The following HOOK1 variants were observed in gnomAD, a reference collection of about 807,000 sequenced individuals.
The protein encoded by HOOK1 is protein Hook homolog 1.
In HOOK1, 60 loss-of-function variants were observed where a neutral mutation model predicts 112.8. The observed-to-expected ratio is 0.53, with a 90% CI of 0.43 to 0.66. The LOEUF is 0.66. HOOK1 is among the 30% of genes least tolerant of loss of function. The probability of loss-of-function intolerance (pLI) is 0.00; values close to 1 mark genes in which losing one functional copy is unlikely to be tolerated. For missense variants in HOOK1, 770 were observed against 856.0 expected (o/e 0.90, Z 1.25); for synonymous variants, 294 against 283.8 (o/e 1.04, Z -0.36).
At chr1:59,829,540 T>C (rs1030322550) in intron 3 of HOOK1, among the ~76,000 whole-genome samples, 4 of 152,086 alleles carry the variant, frequency 2.6e-5, no homozygotes, top group Admixed American at 6.5e-5. Flanking sequence ...ATACAGGATG[T>C]ATGATTTGTT....
intron 11 of HOOK1, 66 bp from the exon 12 acceptor site, chr1:59,849,007 A>G: frequency 1.2e-6 from 1 of 832,580 alleles, no homozygotes; most frequent in Admixed American, 2.7e-5. Context: ...CAATTCTGAA[A>G]GACTATTGAG....
Position 59,860,285 on chromosome 1 carries a change from G to C in HOOK1, c.1489G>C (p.Glu497Gln), listed in dbSNP as rs1378703776. ...ERIEELQEQL[E>Q]QKHRKMNELE... ...TATTGAGGAACTTCAGGAGCAGCTAGAACAGAAACACCGTAAAATGAATGA... is the reference window on the plus strand; with the variant it reads ...TATTGAGGAACTTCAGGAGCAGCTACAACAGAAACACCGTAAAATGAATGA... Residue 497 changes from glutamate to glutamine, a missense_variant, in exon 15 of 22, where the codon GAA (glutamate) becomes CAA (glutamine). This residue lies in a region of HOOK1 where 655 missense variants were observed against 725.9 expected (regional missense o/e 0.90). Coordinates refer to ENST00000371208, the MANE Select transcript of HOOK1 (RefSeq NM_015888.6). 1 of 1,609,294 alleles carries C rather than the reference G, an allele frequency of 6.2e-7. No homozygotes were observed. The highest frequency in any genetic ancestry group is 2.2e-5 in the East Asian group (1 of 44,618).
chr1:59,833,601 G>A lies in HOOK1; in HGVS notation c.406+64G>A, dbSNP rs902241983. ...AGAAACTTTCTACATTGCTATATAA[G>A]CTAGCATTAAATCATACTATTAAAG... is the stretch of plus-strand genomic sequence containing the variant. On this transcript the variant is annotated intron_variant, in intron 5 of 21. Coordinates refer to ENST00000371208, the MANE Select transcript of HOOK1 (RefSeq NM_015888.6). The A allele has an allele frequency of 3.1e-5, 41 of 1,332,968 alleles. No homozygotes were observed. In the Admixed American group the frequency reaches 4.2e-4, roughly 14 times the overall value. The allele number at this position is 1,332,968 out of a possible 1,614,324, so 82.6% of individuals were successfully genotyped here.
chr1:59,817,656 A>AT (rs1231405630), intron 1 of HOOK1, among the ~76,000 whole-genome samples: 1 of 151,930 alleles, frequency 6.6e-6, no homozygotes, highest in African/African-American at 2.4e-5. Flanking sequence ...TGCATCAGGG[A>AT]TTTTTTTCCC....
At chr1:59,823,935 A>C (rs1178163913) in intron 2 of HOOK1, among the ~76,000 whole-genome samples, 2 of 152,158 alleles carry the variant, frequency 1.3e-5, no homozygotes, top group Non-Finnish European at 2.9e-5. Flanking sequence ...AACCCTAAAT[A>C]TCTCTCTCTT....
intron 12 of HOOK1, among the ~76,000 whole-genome samples, chr1:59,849,471 C>T (rs35304562): frequency 0.046 from 6,995 of 151,552 alleles, 382 homozygotes; most frequent in African/African-American, 0.13. Context: ...AATAATTTTG[C>T]GATGGCTTTA....
intron 8 of HOOK1, among the ~76,000 whole-genome samples, chr1:59,840,785 TG>T (rs1252866421): frequency 6.6e-6 from 1 of 152,138 alleles, no homozygotes; most frequent in Non-Finnish European, 1.5e-5. Flanking sequence ...TTCAAGTACA[TG>T]TTCATATTTA....
chr1:59,820,469 C>A (rs138130483), intron 1 of HOOK1, among the ~76,000 whole-genome samples: 257 of 152,276 alleles, frequency 1.7e-3, no homozygotes, highest in African/African-American at 5.7e-3. Context: ...CACTGCAAAT[C>A]CAGTGATACT....
In HOOK1 at chr1:59,835,209, T is replaced by A. The variant is rs72921696; in HGVS notation, c.407-136T>A. On this transcript the variant is annotated intron_variant, in intron 5 of 21. Transcript: ENST00000371208. ...TTTATCTTGGTGAGGAAGGAAGACA[T>A]ACTGGTGGACAAATAATGTATTTAC... 6.3e-6 allele frequency: 4 copies of A among 636,160 alleles called. No individual in the cohort carries two copies. In the East Asian group the frequency reaches 1.2e-4, roughly 19 times the overall value. The allele number at this position is 636,160 out of a possible 1,614,324, so 39.4% of individuals were successfully genotyped here. A position where few individuals can be genotyped will look rare whatever the true frequency, so the allele number is the denominator to read the frequency against.
intron 3 of HOOK1, among the ~76,000 whole-genome samples, chr1:59,830,512 G>A (rs1234234349): frequency 6.6e-6 from 1 of 152,036 alleles, no homozygotes; most frequent in Non-Finnish European, 1.5e-5. Flanking sequence ...AGCCACTACA[G>A]ATTTTTTATG....
chr1:59,817,424 T>G (rs2098382458), intron 1 of HOOK1, among the ~76,000 whole-genome samples: 1 of 152,198 alleles, frequency 6.6e-6, no homozygotes, highest in South Asian at 2.1e-4. Flanking sequence ...TGGTTTCTGG[T>G]TATCTTGTCT....
chr1:59,817,483 CT>C (rs921525666), intron 1 of HOOK1, among the ~76,000 whole-genome samples: 10 of 149,560 alleles, frequency 6.7e-5, no homozygotes, highest in Admixed American at 1.3e-4. Flanking sequence ...AGTTTACTGT[CT>C]TTTTTTTTTA....
rs1465020626 is a variant in HOOK1, at chr1:59,865,871, G to C, written c.1745-1G>C. 2 of 1,506,342 alleles carry C rather than the reference G, an allele frequency of 1.3e-6. No individual in the cohort carries two copies. The highest frequency in any genetic ancestry group is 1.8e-6 in the Non-Finnish European group (2 of 1,098,776). The allele number at this position is 1,506,342 out of a possible 1,614,324, so 93.3% of individuals were successfully genotyped here. On this transcript the variant is annotated splice_acceptor_variant, in intron 18 of 21. Transcript: ENST00000371208. LOFTEE classifies it high-confidence loss of function. ...ATGCTTCATTTTATTTTTACTAATA[G>C]TACAAAAGATCAATGAACTTGAAGC...
chr1:59,828,709 G>A (rs2098391703), intron 2 of HOOK1, 71 bp from the exon 3 acceptor site: 4 of 1,299,734 alleles, frequency 3.1e-6, no homozygotes, highest in Non-Finnish European at 4.4e-6. Flanking sequence ...AACTTTCTCT[G>A]TTGGCTCTAT....
rs191648757 is a variant in HOOK1, at chr1:59,835,283, A to T, written c.407-62A>T. 2,314 of 864,710 alleles carry T rather than the reference A, an allele frequency of 2.7e-3. 10 individuals are homozygous for T. Among genetic ancestry groups the T allele is most frequent in the Non-Finnish European group, 3.7e-3 (1,899 of 513,748 alleles). The allele number at this position is 864,710 out of a possible 1,614,324, so 53.6% of individuals were successfully genotyped here. ...TGAATTTTTATAGTCTATTAATTTG[A>T]TGGCTAAGGTACTATGTGTAAAGAG... On this transcript the variant is annotated intron_variant, in intron 5 of 21. Coordinates refer to ENST00000371208, the MANE Select transcript of HOOK1 (RefSeq NM_015888.6).
chr1:59,868,278 A>G lies in HOOK1; in HGVS notation c.1874A>G (p.Asn625Ser), dbSNP rs746895613. The G allele has an allele frequency of 6.2e-7, 1 of 1,609,258 alleles. No homozygotes were observed. Among genetic ancestry groups the G allele is most frequent in the Non-Finnish European group, 8.5e-7 (1 of 1,176,412 alleles). ...ATAAAAACTTTGGATCCCAAGTTAA[A>G]TCCAGCATCAGCTGAAATAATGCTA... is the stretch of plus-strand genomic sequence containing the variant. ...NVIKTLDPKL[N>S]PASAEIMLLR... The change falls in exon 20 of 22, where the codon AAT becomes AGT. Residue 625 changes from asparagine to serine, a missense_variant. This residue lies in a region of HOOK1 where 655 missense variants were observed against 725.9 expected (regional missense o/e 0.90). Coordinates refer to ENST00000371208, the MANE Select transcript of HOOK1 (RefSeq NM_015888.6).
chr1:59,840,535 G>A, intron 8 of HOOK1, 144 bp downstream of exon 8: 4 of 417,972 alleles, frequency 9.6e-6, no homozygotes, highest in Non-Finnish European at 1.7e-5. Context: ...TTATAGGCTT[G>A]AATATTCAAG....
Position 59,815,404 on chromosome 1 carries a change from GC to G in HOOK1, c.63+225del, listed in dbSNP as rs1574164051. 6.4e-5 allele frequency: 37 copies of G among 579,256 alleles called. 1 individual carries two copies. The highest frequency in any genetic ancestry group is 5.6e-4 in the South Asian group (28 of 49,842). 35.9% of individuals were successfully genotyped at this position (579,256 alleles called of 1,614,324 possible). On this transcript the variant is annotated intron_variant, in intron 1 of 21. Coordinates refer to ENST00000371208, the MANE Select transcript of HOOK1 (RefSeq NM_015888.6). ...GGTGGGGGTAAAGGAAGCTCTGGGA[GC>G]GTAACAGTGGAGGCTCTGGTCTCAA...
intron 10 of HOOK1, among the ~76,000 whole-genome samples, 155 bp downstream of exon 10, chr1:59,847,340 G>A (rs2098404594): frequency 6.6e-6 from 1 of 151,576 alleles, no homozygotes; most frequent in African/African-American, 2.4e-5. Flanking sequence ...CTTCTTTTAT[G>A]TTTGTTGTTT....
Sources: gnomAD v4.1 joint callset for allele counts (sites outside exome capture counted in the v4.1 genomes callset) on GRCh38, gnomAD v4.1.1 for gene constraint, gnomAD v4.1.1 regional missense constraint, MANE v1.5 for transcripts, NCBI Gene and HGNC (gene_info 2026-07-23, HGNC 2026-07-21) for gene names.